The following MGMT variants were observed in gnomAD, a reference collection of about 807,000 sequenced individuals.
The protein encoded by MGMT is methylated-DNA--protein-cysteine methyltransferase.
Under a neutral mutation model 15.9 loss-of-function variants are expected in MGMT, and 14 were observed. That is an observed-to-expected ratio of 0.88 (90% CI 0.58 to 1.37). The LOEUF (loss-of-function observed/expected upper bound fraction) is 1.37, where lower values mean the gene tolerates loss of function less well. MGMT is among the 40% of genes most tolerant of loss of function. MGMT has a pLI of 0.00. For synonymous variants in MGMT, 130 were observed against 118.2 expected (o/e 1.10, Z -0.65); for missense variants, 282 against 268.1 (o/e 1.05, Z -0.36).
intron 2 of MGMT, among the ~76,000 whole-genome samples, chr10:129,672,916 G>A (rs972856702): frequency 1.3e-5 from 2 of 152,066 alleles, no homozygotes; most frequent in Non-Finnish European, 2.9e-5. Context: ...CGTATTGCCC[G>A]GGAGGATGTT....
chr10:129,654,983 T>C (rs1847507704), intron 2 of MGMT, among the ~76,000 whole-genome samples: 1 of 152,164 alleles, frequency 6.6e-6, no homozygotes, highest in Admixed American at 6.5e-5. Context: ...TCCTTGCATC[T>C]AAGGAAGTGC....
chr10:129,495,038 C>T (rs1375585620), intron 1 of MGMT, among the ~76,000 whole-genome samples: 4 of 152,186 alleles, frequency 2.6e-5, no homozygotes, highest in Non-Finnish European at 5.9e-5. Flanking sequence ...TTTTGCAAAA[C>T]CCATTTAAAT....
chr10:129,614,855 T>C (rs1002086336), intron 2 of MGMT, among the ~76,000 whole-genome samples: 1 of 152,344 alleles, frequency 6.6e-6, no homozygotes, highest in Admixed American at 6.5e-5. Flanking sequence ...GGCCCAGCAC[T>C]GTAGGCTCCC....
rs1448558876 is a variant in MGMT, at chr10:129,766,779, G to C, written c.415-9G>C. The stretch of plus-strand genomic sequence containing the variant: ...CCTGACTGACAGTGGCTGCCCCCCT[G>C]TCTTCCAGGTCCCCATCCTCATCCC... On this transcript the variant is annotated splice_polypyrimidine_tract_variant and intron_variant, in intron 4 of 4. Coordinates refer to ENST00000651593, the MANE Select transcript of MGMT (RefSeq NM_002412.5). The C allele has an allele frequency of 6.2e-7, 1 of 1,609,974 alleles. No individual in the cohort carries two copies. The highest frequency in any genetic ancestry group is 1.1e-5 in the South Asian group (1 of 90,566).
chr10:129,746,255 AC>A (rs565761279), intron 3 of MGMT, among the ~76,000 whole-genome samples: 51 of 140,782 alleles, frequency 3.6e-4, no homozygotes, highest in African/African-American at 5.4e-4. Context: ...AAAAAAAAAA[AC>A]AAACAAAAAA....
intron 3 of MGMT, among the ~76,000 whole-genome samples, chr10:129,712,969 A>T (rs968848338): frequency 3.9e-5 from 6 of 152,144 alleles, no homozygotes. Flanking sequence ...AATGTGCCTT[A>T]TAAGTCGTGA....
At chr10:129,597,453 A>G (rs574778137) in intron 2 of MGMT, among the ~76,000 whole-genome samples, 2 of 152,230 alleles carry the variant, frequency 1.3e-5, no homozygotes, top group East Asian at 3.9e-4. Context: ...TTTATTACCT[A>G]CTTTTCAGAC....
chr10:129,549,460 T>G (rs911780406), intron 2 of MGMT, among the ~76,000 whole-genome samples: 4 of 152,182 alleles, frequency 2.6e-5, no homozygotes, highest in Admixed American at 6.5e-5. Flanking sequence ...ATGTTCAGGA[T>G]TTATGAAGTT....
chr10:129,598,694 C>A (rs906303755), intron 2 of MGMT, among the ~76,000 whole-genome samples: 1 of 152,158 alleles, frequency 6.6e-6, no homozygotes, highest in African/African-American at 2.4e-5. Context: ...CTTGGCCAAT[C>A]CTAAATTTTC....
At position 129,655,578 on chromosome 10, in the gene MGMT, G is replaced by A. The variant is rs114737996; in HGVS notation, c.126-52317G>A. 5.4e-3 allele frequency among the ~76,000 whole-genome samples: 827 copies of A among 152,224 alleles called. 9 individuals carry two copies. The highest frequency in any genetic ancestry group is 0.019 in the African/African-American group (773 of 41,536). ...GCTCTCGTGGCTTCTGTGCATGTTC[G>A]TGTGTGACTCGCCCGGCTGAGGGAC... On this transcript the variant is annotated intron_variant, in intron 2 of 4. Coordinates refer to ENST00000651593, the MANE Select transcript of MGMT (RefSeq NM_002412.5).
intron 2 of MGMT, among the ~76,000 whole-genome samples, chr10:129,661,106 T>G (rs1236820139): frequency 6.6e-6 from 1 of 152,200 alleles, no homozygotes; most frequent in Admixed American, 6.5e-5. Context: ...TGAGTAGGAC[T>G]TTAACTTCCT....
At chr10:129,525,852 C>T (rs1245934666) in intron 1 of MGMT, among the ~76,000 whole-genome samples, 2 of 152,212 alleles carry the variant, frequency 1.3e-5, no homozygotes, top group Non-Finnish European at 2.9e-5. Context: ...TAGCCACAAA[C>T]AGGAGTGTTT....
chr10:129,620,240 A>G (rs1847076508), intron 2 of MGMT, among the ~76,000 whole-genome samples: 1 of 152,220 alleles, frequency 6.6e-6, no homozygotes, highest in Admixed American at 6.5e-5. Flanking sequence ...CACTCTGTTA[A>G]ATATTTATGT....
intron 1 of MGMT, among the ~76,000 whole-genome samples, chr10:129,516,696 C>T (rs1845742046): frequency 6.6e-6 from 1 of 152,124 alleles, no homozygotes; most frequent in Non-Finnish European, 1.5e-5. Context: ...CAGCTTTCCC[C>T]CACCCCAGCC....
At chr10:129,745,773 A>G (rs1017171994) in intron 3 of MGMT, among the ~76,000 whole-genome samples, 4 of 152,110 alleles carry the variant, frequency 2.6e-5, no homozygotes, top group Non-Finnish European at 4.4e-5. Flanking sequence ...GGAAGTGTCA[A>G]TTCAAGTCTT....
chr10:129,536,281 C>T lies in MGMT; in HGVS notation c.29C>T (p.Thr10Ile), dbSNP rs1029449695. 1 of 1,613,966 alleles carries T rather than the reference C, an allele frequency of 6.2e-7. No individual in the cohort carries two copies. Among genetic ancestry groups the T allele is most frequent in the Non-Finnish European group, 8.5e-7 (1 of 1,179,998 alleles). Residue 10 changes from threonine to isoleucine, a missense_variant, in exon 2 of 5, where the codon ACC becomes ATC. Thr to Ile is a moderately conservative substitution (Grantham distance 89, BLOSUM62 -1). Coordinates refer to ENST00000651593, the MANE Select transcript of MGMT (RefSeq NM_002412.5). ...GACAAGGATTGTGAAATGAAACGCA[C>T]CACACTGGACAGCCCTTTGGGGAAG... MDKDCEMKR[T>I]TLDSPLGKLE...
intron 1 of MGMT, among the ~76,000 whole-genome samples, chr10:129,504,711 C>T (rs953839035): frequency 6.6e-5 from 10 of 152,182 alleles, no homozygotes; most frequent in Non-Finnish European, 1.3e-4. Context: ...CAGGAGCTTC[C>T]CAGCACCCTC....
chr10:129,519,878 A>C (rs1845784451), intron 1 of MGMT, among the ~76,000 whole-genome samples: 1 of 152,120 alleles, frequency 6.6e-6, no homozygotes, highest in African/African-American at 2.4e-5. Context: ...CGGCCTCTCT[A>C]CACCATGACT....
chr10:129,643,011 G>A (rs1251242934), intron 2 of MGMT, among the ~76,000 whole-genome samples: 1 of 152,158 alleles, frequency 6.6e-6, no homozygotes, highest in African/African-American at 2.4e-5. Context: ...AGAGAAGGCT[G>A]GGCGAGCGAA....
Sources: gnomAD v4.1 joint callset for allele counts (sites outside exome capture counted in the v4.1 genomes callset) on GRCh38, gnomAD v4.1.1 for gene constraint, MANE v1.5 for transcripts, NCBI Gene and HGNC (gene_info 2026-07-23, HGNC 2026-07-21) for gene names.